The following LRP12 variants were observed in gnomAD, a reference collection of about 807,000 sequenced individuals.
The protein encoded by LRP12 is LDL receptor related protein 12.
LRP12 carries 14 observed loss-of-function variants against 66.0 expected under a neutral mutation model. The ratio of observed to expected loss-of-function variants is 0.21; its 90% CI spans 0.14 to 0.33. The LOEUF is 0.33. Ranked by LOEUF, LRP12 falls within the 10% of genes least tolerant of loss-of-function variation. The pLI is 1.00. For synonymous variants in LRP12, 357 were observed against 359.1 expected, an observed-to-expected ratio of 0.99 and a Z score of 0.07; for missense variants, 889 against 1,053.4, an observed-to-expected ratio of 0.84 and a Z score of 2.16.
At chr8:104,575,799 T>C (rs76580451) in intron 1 of LRP12, among the ~76,000 whole-genome samples, 6,174 of 152,012 alleles carry the variant, frequency 0.041, 186 homozygotes, top group South Asian at 0.075. Context: ...AAATAGAAAT[T>C]TGAATATGAA....
chr8:104,558,648 T>C (rs1210103535), intron 1 of LRP12, among the ~76,000 whole-genome samples: 2 of 151,562 alleles, frequency 1.3e-5, no homozygotes, highest in African/African-American at 4.9e-5. Context: ...GCAAAAGAAA[T>C]AATCAGCAGA....
intron 1 of LRP12, among the ~76,000 whole-genome samples, chr8:104,571,624 T>C (rs1391232934): frequency 1.3e-5 from 2 of 152,312 alleles, no homozygotes; most frequent in East Asian, 3.9e-4. Flanking sequence ...TCCCCAGCCA[T>C]GCTGAACTAT....
chr8:104,544,003 TAAAG>T (rs1811517250), intron 1 of LRP12, among the ~76,000 whole-genome samples: 1 of 152,172 alleles, frequency 6.6e-6, no homozygotes, highest in African/African-American at 2.4e-5. Flanking sequence ...AGCTGAAAGC[TAAAG>T]AGTTAGTCAA....
chr8:104,514,236 T>C (rs966420832), intron 2 of LRP12, among the ~76,000 whole-genome samples: 19 of 152,100 alleles, frequency 1.2e-4, no homozygotes, highest in African/African-American at 4.1e-4. Flanking sequence ...ATTTTTTCAT[T>C]ATTTCAGTGC....
chr8:104,500,047 A>C (rs1189578975), intron 3 of LRP12, among the ~76,000 whole-genome samples: 1 of 152,222 alleles, frequency 6.6e-6, no homozygotes, highest in African/African-American at 2.4e-5. Flanking sequence ...TTTTGGTGAA[A>C]AGTCCTTGAG....
chr8:104,490,519 G>T lies in LRP12; in HGVS notation c.*154C>A. 3.9e-6 allele frequency: 3 copies of T among 766,534 alleles called. No individual in the cohort carries two copies. Among genetic ancestry groups the T allele is most frequent in the Non-Finnish European group, 6.1e-6 (3 of 489,528 alleles). 47.5% of individuals were successfully genotyped at this position (766,534 alleles called of 1,614,324 possible). A position where few individuals can be genotyped will look rare whatever the true frequency, so the allele number is the denominator to read the frequency against. Reference sequence around the variant, plus strand: ...AAACTCTAAGTTCATAGAGTTACAAGTTGTCGAATTTAACCATGCAGGCTA... The same window carrying T: ...AAACTCTAAGTTCATAGAGTTACAATTTGTCGAATTTAACCATGCAGGCTA... On this transcript the variant is annotated 3_prime_UTR_variant, in exon 7 of 7. Transcript: ENST00000276654.
At chr8:104,543,669 T>A (rs944601476) in intron 1 of LRP12, among the ~76,000 whole-genome samples, 2 of 152,112 alleles carry the variant, frequency 1.3e-5, no homozygotes, top group African/African-American at 4.8e-5. Flanking sequence ...CACCTGTAAT[T>A]CCAGCACTTT....
At chr8:104,491,793 T>C (rs1451489953) in intron 6 of LRP12, among the ~76,000 whole-genome samples, 1 of 152,146 alleles carries the variant, frequency 6.6e-6, no homozygotes, top group African/African-American at 2.4e-5. Context: ...TATATGCAAC[T>C]TAAAAATGAT....
chr8:104,545,354 T>G (rs1289034404), intron 1 of LRP12, among the ~76,000 whole-genome samples: 8 of 152,196 alleles, frequency 5.3e-5, no homozygotes, highest in Admixed American at 5.2e-4. Context: ...ATAAACTTAG[T>G]TGATAAAGCA....
At chr8:104,517,692 T>C (rs1227313734) in intron 2 of LRP12, among the ~76,000 whole-genome samples, 1 of 152,130 alleles carries the variant, frequency 6.6e-6, no homozygotes, top group Admixed American at 6.6e-5. Context: ...TTTGGCCATC[T>C]CATTTTTCAG....
At chr8:104,562,386 T>C (rs1438611647) in intron 1 of LRP12, among the ~76,000 whole-genome samples, 2 of 152,134 alleles carry the variant, frequency 1.3e-5, no homozygotes, top group African/African-American at 4.8e-5. Context: ...AATTACAGCA[T>C]TATGTGACCA....
intron 1 of LRP12, among the ~76,000 whole-genome samples, chr8:104,562,724 T>C (rs1331628616): frequency 1.3e-5 from 2 of 152,190 alleles, no homozygotes; most frequent in African/African-American, 4.8e-5. Flanking sequence ...TTGTCTTTTG[T>C]CCATCTACTG....
intron 3 of LRP12, among the ~76,000 whole-genome samples, chr8:104,504,010 T>G (rs1210352754): frequency 6.6e-6 from 1 of 152,182 alleles, no homozygotes; most frequent in Non-Finnish European, 1.5e-5. Flanking sequence ...AACTTGCCTA[T>G]AAAACTAGTT....
chr8:104,585,550 T>A (rs1406206172), intron 1 of LRP12, among the ~76,000 whole-genome samples: 1 of 152,156 alleles, frequency 6.6e-6, no homozygotes, highest in African/African-American at 2.4e-5. Context: ...TAAGGCTTCA[T>A]CTTGGGTAGT....
chr8:104,528,997 A>C (rs113066985), intron 2 of LRP12, among the ~76,000 whole-genome samples: 91 of 152,354 alleles, frequency 6.0e-4, no homozygotes, highest in African/African-American at 2.1e-3. Context: ...TAACGTATAA[A>C]TATATTTAAT....
intron 2 of LRP12, among the ~76,000 whole-genome samples, chr8:104,528,220 C>T (rs929631092): frequency 6.6e-5 from 10 of 152,116 alleles, no homozygotes; most frequent in African/African-American, 1.7e-4. Flanking sequence ...CACTGAGCAC[C>T]GGCAAATGGA....
At chr8:104,554,516 G>A (rs745759683) in intron 1 of LRP12, among the ~76,000 whole-genome samples, 4 of 151,644 alleles carry the variant, frequency 2.6e-5, no homozygotes, top group Non-Finnish European at 4.4e-5. Context: ...ACAAGTAGAA[G>A]AAAAAACTTC....
At chr8:104,572,800 C>T (rs28627996) in intron 1 of LRP12, among the ~76,000 whole-genome samples, 12,333 of 152,126 alleles carry the variant, frequency 0.081, 732 homozygotes, top group Admixed American at 0.2. Flanking sequence ...TCCCCAAAGG[C>T]ATCATGGACA....
intron 5 of LRP12, 29 bp from the exon 6 acceptor site, chr8:104,495,238 T>A: frequency 4.4e-6 from 7 of 1,597,238 alleles, no homozygotes; most frequent in Non-Finnish European, 6.0e-6. Context: ...AGAAAAATGA[T>A]TAAAAGGGGG....
Sources: gnomAD v4.1 joint callset for allele counts (sites outside exome capture counted in the v4.1 genomes callset) on GRCh38, gnomAD v4.1.1 for gene constraint, MANE v1.5 for transcripts, NCBI Gene and HGNC (gene_info 2026-07-23, HGNC 2026-07-21) for gene names.